The following MPV17L variants were observed in gnomAD, a reference collection of about 807,000 sequenced individuals.
MPV17L encodes the protein mpv17-like protein.
In MPV17L, 24 loss-of-function variants were observed where a neutral mutation model predicts 25.8. The ratio of observed to expected loss-of-function variants is 0.93; its 90% CI spans 0.67 to 1.31. The LOEUF (loss-of-function observed/expected upper bound fraction) is 1.31, where lower values mean the gene tolerates loss of function less well. MPV17L is among the 50% of genes most tolerant of loss of function. The pLI is 0.00. For synonymous variants in MPV17L, 102 were observed against 115.3 expected (o/e 0.88, Z 0.74); for missense variants, 250 against 265.6 (o/e 0.94, Z 0.41).
rs1434886956 is a variant in MPV17L at position 15,410,306 on chromosome 16, C to T, written c.*2194C>T. 6.6e-6 allele frequency: 1 copy of T among 152,166 alleles called. No homozygotes were observed. The highest frequency in any genetic ancestry group is 1.5e-5 in the Non-Finnish European group (1 of 68,074). The allele number at this position is 152,166 out of a possible 1,614,324, so 9.4% of individuals were successfully genotyped here. ...ATCTCTATTTTAAAGAAAAGTTTCA[C>T]TTTGGGAGGCCAAGGCGGTTGGATC... On this transcript the variant is annotated 3_prime_UTR_variant, in exon 4 of 4. Transcript: ENST00000396385.
chr16:15,402,836 A>G lies in MPV17L; in HGVS notation c.381+1979A>G, dbSNP rs182492672. Among the ~76,000 whole-genome samples the G allele has an allele frequency of 1.8e-4, 28 of 151,972 alleles. No homozygotes were observed. The East Asian group carries it at 4.7e-3, about 25-fold the overall frequency. On this transcript the variant is annotated intron_variant, in intron 2 of 3. Transcript: ENST00000396385. The stretch of plus-strand genomic sequence containing the variant: ...TGGAATTACAGACTTGCACCACCAC[A>G]TCCAGCTAATTTTTTGTATTTTTCA...
At chr16:15,399,447 C>G (rs1386054606) in intron 1 of MPV17L, 2 of 452,694 alleles carry the variant, frequency 4.4e-6, no homozygotes, top group Admixed American at 2.4e-5. Context: ...ACTCTATTCC[C>G]CAGGCTGAAG....
At chr16:15,397,721 C>T (rs1283707596) in intron 1 of MPV17L, among the ~76,000 whole-genome samples, 2 of 152,088 alleles carry the variant, frequency 1.3e-5, no homozygotes, top group East Asian at 1.9e-4. Context: ...AGAAACCTAC[C>T]CTGCCCCGTG....
intron 2 of MPV17L, among the ~76,000 whole-genome samples, chr16:15,401,086 ATTTTTTTT>A (rs1242552489): frequency 1.5e-4 from 3 of 19,860 alleles, no homozygotes; most frequent in East Asian, 1.7e-3. Flanking sequence ...ATATATATAT[ATTTTTTTT>A]TTTTTTTTTT....
intron 1 of MPV17L, among the ~76,000 whole-genome samples, chr16:15,397,789 C>CA (rs2050600207): frequency 6.8e-6 from 1 of 147,860 alleles, no homozygotes; most frequent in African/African-American, 2.5e-5. Flanking sequence ...ACCAGAAACA[C>CA]AAACCACCTG....
chr16:15,395,861 A>G lies in MPV17L; in HGVS notation c.-37A>G. The G allele has an allele frequency of 7.3e-7, 1 of 1,374,042 alleles. No individual in the cohort carries two copies. Among genetic ancestry groups the G allele is most frequent in the Non-Finnish European group, 9.3e-7 (1 of 1,074,394 alleles). 85.1% of individuals were successfully genotyped at this position (1,374,042 alleles called of 1,614,324 possible). On this transcript the variant is annotated 5_prime_UTR_variant, in exon 1 of 4. Coordinates refer to ENST00000396385, the MANE Select transcript of MPV17L (RefSeq NM_001128423.2). Reference sequence around the variant, plus strand: ...GACCCGGTGCAGGAAGACGCCGACCACGCGGGCTCCTGATCGCGGGCGCCC... The same window carrying G: ...GACCCGGTGCAGGAAGACGCCGACCGCGCGGGCTCCTGATCGCGGGCGCCC...
At chr16:15,403,941 G>A (rs930396663) in intron 2 of MPV17L, among the ~76,000 whole-genome samples, 1 of 151,890 alleles carries the variant, frequency 6.6e-6, no homozygotes, top group African/African-American at 2.4e-5. Context: ...GCCAAGGCAG[G>A]CGGATCATGA....
intron 1 of MPV17L, among the ~76,000 whole-genome samples, chr16:15,400,006 G>T (rs2050619498): frequency 6.6e-6 from 1 of 152,164 alleles, no homozygotes; most frequent in Non-Finnish European, 1.5e-5. Flanking sequence ...GTTTCTCCAT[G>T]TTGGTCAGGC....
chr16:15,399,486 G>A (rs2050615586), intron 1 of MPV17L: 1 of 440,952 alleles, frequency 2.3e-6, no homozygotes, highest in South Asian at 1.6e-5. Flanking sequence ...GCTCATTGCA[G>A]CCTCGACCTC....
intron 2 of MPV17L, among the ~76,000 whole-genome samples, chr16:15,404,928 A>G (rs1489194578): frequency 6.6e-6 from 1 of 152,142 alleles, no homozygotes; most frequent in African/African-American, 2.4e-5. Flanking sequence ...AGCACAGAGG[A>G]GAGTTCATGG....
At chr16:15,401,569 C>G (rs2050640579) in intron 2 of MPV17L, among the ~76,000 whole-genome samples, 1 of 152,044 alleles carries the variant, frequency 6.6e-6, no homozygotes, top group South Asian at 2.1e-4. Context: ...GCCTGTAATC[C>G]CAACACTTGG....
rs1239160885 is a variant in MPV17L, at chr16:15,395,836, G to A, written c.-62G>A. On this transcript the variant is annotated 5_prime_UTR_variant, in exon 1 of 4. Coordinates refer to ENST00000396385, the MANE Select transcript of MPV17L (RefSeq NM_001128423.2). ...AGCTGCTGGAGGCTGGGGAGGCCCG[G>A]ACCCGGTGCAGGAAGACGCCGACCA... 2.2e-5 allele frequency: 29 copies of A among 1,339,962 alleles called. No homozygotes were observed. The East Asian group carries it at 5.6e-4, about 26-fold the overall frequency. 83.0% of individuals were successfully genotyped at this position (1,339,962 alleles called of 1,614,324 possible). A position where few individuals can be genotyped will look rare whatever the true frequency, so the allele number is the denominator to read the frequency against.
At chr16:15,399,459 G>A in intron 1 of MPV17L, 1 of 451,858 alleles carries the variant, frequency 2.2e-6, no homozygotes, top group Non-Finnish European at 4.4e-6. Flanking sequence ...AGGCTGAAGT[G>A]CAGTGATGTG....
chr16:15,404,822 A>AAAAC lies in MPV17L; in HGVS notation c.382-2986_382-2983dup, dbSNP rs537723851. ...GGGTGACAGAGCAAGACTCCATCTC[A>AAAAC]AAACAAACAAACAAACAAAAAAGAA... On this transcript the variant is annotated intron_variant, in intron 2 of 3. Coordinates refer to ENST00000396385, the MANE Select transcript of MPV17L (RefSeq NM_001128423.2). 1.8e-3 allele frequency among the ~76,000 whole-genome samples: 272 copies of AAAAC among 152,238 alleles called. 2 individuals carry two copies. The highest frequency in any genetic ancestry group is 6.4e-3 in the African/African-American group (267 of 41,540).
chr16:15,400,115 A>T (rs2050620198), intron 1 of MPV17L, among the ~76,000 whole-genome samples: 1 of 152,102 alleles, frequency 6.6e-6, no homozygotes, highest in African/African-American at 2.4e-5. Flanking sequence ...TAGCTTTTTT[A>T]AAAAGACAGA....
chr16:15,396,231 G>A (rs1402294729), intron 1 of MPV17L, 24 bp downstream of exon 1: 3 of 1,545,212 alleles, frequency 1.9e-6, no homozygotes, highest in Admixed American at 3.9e-5. Context: ...AGGGGACCTG[G>A]GGGGTGGGAC....
At chr16:15,397,452 G>A (rs984742949) in intron 1 of MPV17L, among the ~76,000 whole-genome samples, 10 of 152,238 alleles carry the variant, frequency 6.6e-5, no homozygotes, top group Middle Eastern at 3.4e-3. Flanking sequence ...CAGGCTGATC[G>A]CTCAAGTTGG....
At chr16:15,398,210 A>G (rs1200306867) in intron 1 of MPV17L, among the ~76,000 whole-genome samples, 1 of 151,704 alleles carries the variant, frequency 6.6e-6, no homozygotes, top group Non-Finnish European at 1.5e-5. Flanking sequence ...TGCCCACCTA[A>G]TTTTTGCATT....
chr16:15,397,898 G>A (rs574162411), intron 1 of MPV17L, among the ~76,000 whole-genome samples: 1 of 152,250 alleles, frequency 6.6e-6, no homozygotes, highest in South Asian at 2.1e-4. Flanking sequence ...TTATCAGAAG[G>A]TCTGTGCCTG....
Sources: gnomAD v4.1 joint callset for allele counts (sites outside exome capture counted in the v4.1 genomes callset) on GRCh38, gnomAD v4.1.1 for gene constraint, MANE v1.5 for transcripts, NCBI Gene and HGNC (gene_info 2026-07-23, HGNC 2026-07-21) for gene names.